Variants in TNFAIP8L3 observed in about 807,000 individuals in gnomAD.
TNFAIP8L3 encodes the protein TNF alpha induced protein 8 like 3, also known as tumor necrosis factor alpha-induced protein 8-like protein 3.
TNFAIP8L3 carries 7 observed loss-of-function variants against 11.8 expected under a neutral mutation model. That is an observed-to-expected ratio of 0.59 (90% CI 0.34 to 1.11). TNFAIP8L3 has a LOEUF of 1.11. Ranked by LOEUF, TNFAIP8L3 falls within the 50% of genes most tolerant of loss-of-function variation. The pLI, the probability that TNFAIP8L3 is intolerant of heterozygous loss-of-function variation, is 0.03. For missense variants in TNFAIP8L3, 219 were observed against 258.6 expected, an observed-to-expected ratio of 0.85 and a Z score of 1.05; for synonymous variants, 98 against 103.8, an observed-to-expected ratio of 0.94 and a Z score of 0.34.
intron 1 of TNFAIP8L3, among the ~76,000 whole-genome samples, chr15:51,081,975 T>C (rs922757185): frequency 6.6e-6 from 1 of 152,112 alleles, no homozygotes; most frequent in Non-Finnish European, 1.5e-5. Context: ...TAAGAAAAGA[T>C]GGCTCCTTCA....
At chr15:51,070,612 CCA>C (rs1043125699) in intron 1 of TNFAIP8L3, among the ~76,000 whole-genome samples, 1 of 152,084 alleles carries the variant, frequency 6.6e-6, no homozygotes, top group African/African-American at 2.4e-5. Flanking sequence ...AGACTCTGCC[CCA>C]GAGTCTGCCT....
chr15:51,102,673 A>G (rs1455765414), intron 1 of TNFAIP8L3, among the ~76,000 whole-genome samples: 3 of 152,184 alleles, frequency 2.0e-5, no homozygotes, highest in African/African-American at 7.2e-5. Context: ...AGAGTTAAGA[A>G]CAAATGGGAC....
intron 1 of TNFAIP8L3, among the ~76,000 whole-genome samples, chr15:51,077,364 A>C (rs1019252980): frequency 5.9e-5 from 9 of 152,082 alleles, no homozygotes; most frequent in African/African-American, 2.2e-4. Context: ...CCGAAACCTC[A>C]AGGCCAGCCC....
intron 1 of TNFAIP8L3, among the ~76,000 whole-genome samples, chr15:51,091,766 A>C (rs2065472646): frequency 6.6e-6 from 1 of 152,126 alleles, no homozygotes; most frequent in African/African-American, 2.4e-5. Flanking sequence ...GAGAAAATTC[A>C]AAACAAATCT....
chr15:51,094,565 C>T lies in TNFAIP8L3; in HGVS notation c.31G>A (p.Gly11Ser). The stretch of plus-strand genomic sequence containing the variant: ...GTACCTGCGGCGGTCACGGGCTCGC[C>T]CTCGCTCTGCTCCCCGGAATCCGAA... MDSDSGEQSE[G>S]EPVTAAGPDV... Residue 11 changes from glycine (G) to serine (S), a missense_variant, in exon 1 of 2, where the codon GGC (glycine) becomes AGC (serine). Gly to Ser is a moderately conservative substitution (Grantham distance 56, BLOSUM62 0). Transcript: ENST00000637513. The surrounding 1 kb of genome is among the most constrained non-coding windows in gnomAD (Gnocchi z 4.4). 6.7e-7 allele frequency: 1 copy of T among 1,503,608 alleles called. No individual in the cohort carries two copies. The highest frequency in any genetic ancestry group is 8.8e-7 in the Non-Finnish European group (1 of 1,131,060). 93.1% of individuals were successfully genotyped at this position (1,503,608 alleles called of 1,614,324 possible).
Position 51,073,430 on chromosome 15 carries a change from A to G in TNFAIP8L3, c.53-14987T>C, listed in dbSNP as rs553197989. ...ATAAATCTCTTGCATATCTTTCATTAGATTTACTTCTAGCTACCTTACAGT... is the reference window on the plus strand; with the variant it reads ...ATAAATCTCTTGCATATCTTTCATTGGATTTACTTCTAGCTACCTTACAGT... On this transcript the variant is annotated intron_variant, in intron 1 of 1. Coordinates refer to ENST00000637513, the MANE Select transcript of TNFAIP8L3 (RefSeq NM_001311175.2). 8.5e-4 allele frequency among the ~76,000 whole-genome samples: 129 copies of G among 152,302 alleles called. 2 individuals carry two copies. Among genetic ancestry groups the G allele is most frequent in the African/African-American group, 3.0e-3 (126 of 41,560 alleles).
At chr15:51,071,389 C>T (rs1460017549) in intron 1 of TNFAIP8L3, among the ~76,000 whole-genome samples, 1 of 152,116 alleles carries the variant, frequency 6.6e-6, no homozygotes, top group East Asian at 1.9e-4. Flanking sequence ...CTTCTAGCTC[C>T]CAGATCAAAC....
chr15:51,071,041 A>G (rs2065305247), intron 1 of TNFAIP8L3, among the ~76,000 whole-genome samples: 1 of 119,530 alleles, frequency 8.4e-6, no homozygotes, highest in African/African-American at 3.0e-5. Context: ...ACAGAGCGAG[A>G]CTCCGTCTCA....
intron 1 of TNFAIP8L3, among the ~76,000 whole-genome samples, chr15:51,077,583 G>A (rs892186808): frequency 6.6e-6 from 1 of 152,194 alleles, no homozygotes; most frequent in African/African-American, 2.4e-5. Context: ...GATAGAGACA[G>A]GAGACAGCCA....
rs1016884101 is a variant in TNFAIP8L3 at position 51,094,181 on chromosome 15, AC to A, written c.52+362del. Among the ~76,000 whole-genome samples the A allele has an allele frequency of 6.6e-6, 1 of 152,072 alleles. No homozygotes were observed. Among genetic ancestry groups the A allele is most frequent in the Non-Finnish European group, 1.5e-5 (1 of 68,016 alleles). On this transcript the variant is annotated intron_variant, in intron 1 of 1. Transcript: ENST00000637513. The surrounding 1 kb of genome is among the most constrained non-coding windows in gnomAD (Gnocchi z 4.4). ...CAGTCCCGGCGCCCCAGGTTCGAGG[AC>A]CCGGCCCGCGCTCGGAAAGTTATTT...
At chr15:51,083,165 G>A (rs372929086) in intron 1 of TNFAIP8L3, among the ~76,000 whole-genome samples, 7 of 152,108 alleles carry the variant, frequency 4.6e-5, no homozygotes, top group African/African-American at 1.7e-4. Context: ...TGGGGCCACC[G>A]TATGATCTCT....
chr15:51,057,815 T>C lies in TNFAIP8L3; in HGVS notation c.*66A>G, dbSNP rs2065215746. ...AAGGGTTTCTGCTTATGTTCTTGAT[T>C]CTCACCCAGATCATGGTTGAGTGCT... On this transcript the variant is annotated 3_prime_UTR_variant, in exon 2 of 2. Coordinates refer to ENST00000637513, the MANE Select transcript of TNFAIP8L3 (RefSeq NM_001311175.2). 7.4e-7 allele frequency: 1 copy of C among 1,359,438 alleles called. No individual in the cohort carries two copies. Among genetic ancestry groups the C allele is most frequent in the Non-Finnish European group, 1.0e-6 (1 of 994,188 alleles). The allele number at this position is 1,359,438 out of a possible 1,614,324, so 84.2% of individuals were successfully genotyped here. A position where few individuals can be genotyped will look rare whatever the true frequency, so the allele number is the denominator to read the frequency against.
rs556128977 is a variant in TNFAIP8L3, at chr15:51,068,523, G to GGGCTC, written c.53-10085_53-10081dup. ...CCACTAGAGATCTTGAGGGATAAGT[G>GGGCTC]GGCTCTTCCTTCAAAATGCAAACAC... On this transcript the variant is annotated intron_variant, in intron 1 of 1. Coordinates refer to ENST00000637513, the MANE Select transcript of TNFAIP8L3 (RefSeq NM_001311175.2). Among the ~76,000 whole-genome samples, 495 of 152,250 alleles carry GGGCTC rather than the reference G, an allele frequency of 3.3e-3. 2 individuals are homozygous for GGGCTC. The highest frequency in any genetic ancestry group is 6.8e-3 in the Middle Eastern group (2 of 294).
intron 1 of TNFAIP8L3, among the ~76,000 whole-genome samples, chr15:51,086,079 T>C (rs1410414347): frequency 6.6e-6 from 1 of 152,182 alleles, no homozygotes; most frequent in Non-Finnish European, 1.5e-5. Context: ...CTGGTCACCA[T>C]GTCCTGGGGA....
chr15:51,091,242 C>G (rs937760995), intron 1 of TNFAIP8L3, among the ~76,000 whole-genome samples: 1 of 152,180 alleles, frequency 6.6e-6, no homozygotes, highest in Non-Finnish European at 1.5e-5. Context: ...CATCCTCCGC[C>G]CCACCCTCCA....
intron 1 of TNFAIP8L3, among the ~76,000 whole-genome samples, chr15:51,080,718 G>C (rs576694356): frequency 6.6e-6 from 1 of 152,256 alleles, no homozygotes; most frequent in Non-Finnish European, 1.5e-5. Flanking sequence ...CATGTAAAGT[G>C]TAAATAACCA....
At chr15:51,065,122 A>G in intron 1 of TNFAIP8L3, among the ~76,000 whole-genome samples, 1 of 152,372 alleles carries the variant, frequency 6.6e-6, no homozygotes, top group Non-Finnish European at 1.5e-5. Flanking sequence ...TTATGTAGCG[A>G]TAGCAAATTC....
At chr15:51,083,931 G>A (rs62018212) in intron 1 of TNFAIP8L3, among the ~76,000 whole-genome samples, 3,950 of 152,344 alleles carry the variant, frequency 0.026, 75 homozygotes, top group Non-Finnish European at 0.037. Flanking sequence ...CCTGCAGGAG[G>A]ATGAGCTGGG....
intron 1 of TNFAIP8L3, among the ~76,000 whole-genome samples, chr15:51,090,779 T>A (rs944639735): frequency 1.3e-5 from 2 of 152,146 alleles, no homozygotes; most frequent in South Asian, 4.2e-4. Context: ...CCCTACCACA[T>A]TCTGACTCCA....
Sources: gnomAD v4.1 joint callset for allele counts (sites outside exome capture counted in the v4.1 genomes callset) on GRCh38, gnomAD v4.1.1 for gene constraint, Gnocchi (gnomAD v3.1) non-coding constraint, MANE v1.5 for transcripts, NCBI Gene and HGNC (gene_info 2026-07-23, HGNC 2026-07-21) for gene names.